ZNF660: variants seen among roughly 807,000 people sequenced by gnomAD.
ZNF660 encodes the protein zinc finger protein 660.
Under a neutral mutation model 23.2 loss-of-function variants are expected in ZNF660, and 24 were observed. That is an observed-to-expected ratio of 1.04 (90% confidence interval 0.75 to 1.46). The LOEUF (loss-of-function observed/expected upper bound fraction) is 1.46, where lower values mean the gene tolerates loss of function less well. ZNF660 is among the 40% of genes most tolerant of loss of function. The pLI is 0.00. For synonymous variants in ZNF660, 117 were observed against 131.4 expected (o/e 0.89, Z 0.75); for missense variants, 373 against 396.8 (o/e 0.94, Z 0.51).
At chr3:44,585,764 G>A (rs1402022870) in intron 1 of ZNF660, among the ~76,000 whole-genome samples, 1 of 152,160 alleles carries the variant, frequency 6.6e-6, no homozygotes, top group Non-Finnish European at 1.5e-5. Flanking sequence ...GTGGAAAGCT[G>A]GATTGCAAGG....
In ZNF660 at chr3:44,594,426, A is replaced by T. The variant is rs777160580; in HGVS notation, c.233A>T (p.Tyr78Phe). The T allele has an allele frequency of 3.1e-6, 5 of 1,614,054 alleles. No individual in the cohort carries two copies. Among genetic ancestry groups the T allele is most frequent in the Non-Finnish European group, 4.2e-6 (5 of 1,180,002 alleles). Residue 78 changes from tyrosine to phenylalanine, a missense_variant, in exon 3 of 3, where the codon TAT becomes TTT. Transcript: ENST00000322734. Reference protein sequence around the residue: ...HERIHTGEKPYKCKECGKAFS... With the variant: ...HERIHTGEKPFKCKECGKAFS... ...CGAATCCACACGGGAGAGAAACCCT[A>T]TAAGTGTAAGGAGTGTGGAAAAGCT...
chr3:44,591,270 AG>A (rs910418113), intron 2 of ZNF660, among the ~76,000 whole-genome samples: 3 of 152,192 alleles, frequency 2.0e-5, no homozygotes, highest in African/African-American at 4.8e-5. Context: ...TTGGGACTAC[AG>A]GTGCACACCA....
chr3:44,594,703 C>T lies in ZNF660; in HGVS notation c.510C>T (p.Ala170=). The T allele has an allele frequency of 6.2e-7, 1 of 1,614,050 alleles. No individual in the cohort carries two copies. The highest frequency in any genetic ancestry group is 8.5e-7 in the Non-Finnish European group (1 of 1,180,018). The change falls in exon 3 of 3, where the codon GCC becomes GCT. Residue 170 remains alanine (A), a synonymous_variant. Transcript: ENST00000322734. ...KPYSCIECGK[A]FSRSSNLTQH... ...ATTCTTGTATTGAGTGTGGGAAAGCCTTTAGCCGTAGTTCAAACCTTACTC... is the reference window on the plus strand; with the variant it reads ...ATTCTTGTATTGAGTGTGGGAAAGCTTTTAGCCGTAGTTCAAACCTTACTC...
chr3:44,585,877 G>A (rs1700213676), intron 1 of ZNF660, among the ~76,000 whole-genome samples: 2 of 152,158 alleles, frequency 1.3e-5, no homozygotes, highest in African/African-American at 4.8e-5. Flanking sequence ...GATGGAATTA[G>A]GATTTCCTGA....
chr3:44,588,993 C>T (rs1450214180), intron 2 of ZNF660, among the ~76,000 whole-genome samples: 4 of 152,116 alleles, frequency 2.6e-5, no homozygotes, highest in African/African-American at 4.8e-5. Context: ...TGGATGTGTG[C>T]GTTATACATC....
At position 44,595,284 on chromosome 3, in the gene ZNF660, T is replaced by C. The variant is rs1323656428; in HGVS notation, c.*95T>C. 1 of 1,340,912 alleles carries C rather than the reference T, an allele frequency of 7.5e-7. No homozygotes were observed. The highest frequency in any genetic ancestry group is 1.0e-6 in the Non-Finnish European group (1 of 995,348). 83.1% of individuals were successfully genotyped at this position (1,340,912 alleles called of 1,614,324 possible). A position where few individuals can be genotyped will look rare whatever the true frequency, so the allele number is the denominator to read the frequency against. On this transcript the variant is annotated 3_prime_UTR_variant, in exon 3 of 3. Coordinates refer to ENST00000322734, the MANE Select transcript of ZNF660 (RefSeq NM_173658.4). ...AATTCTACTTCTAAGAATCATACTC[T>C]ACTTCTAAGAAAATAATTAGAAGTA...
chr3:44,590,949 C>T (rs1165318771), intron 2 of ZNF660, among the ~76,000 whole-genome samples: 1 of 152,170 alleles, frequency 6.6e-6, no homozygotes, highest in East Asian at 1.9e-4. Context: ...CCCTTCTTAT[C>T]TTGGGCATGA....
intron 2 of ZNF660, among the ~76,000 whole-genome samples, chr3:44,591,842 C>CA (rs1226573321): frequency 3.9e-5 from 6 of 152,064 alleles, no homozygotes; most frequent in African/African-American, 7.2e-5. Flanking sequence ...TTAAAAAATA[C>CA]AAAAACTAGC....
chr3:44,593,705 AAAAG>A (rs1273756215), intron 2 of ZNF660, among the ~76,000 whole-genome samples: 1 of 151,818 alleles, frequency 6.6e-6, no homozygotes, highest in African/African-American at 2.4e-5. Context: ...AAAAAAAAAA[AAAAG>A]CAACGAGTTA....
chr3:44,595,302 TAGA>T lies in ZNF660; in HGVS notation c.*116_*118del. ...CATACTCTACTTCTAAGAAAATAAT[TAGA>T]AGTAGACAAAGATTAATGAAAGGGA... On this transcript the variant is annotated 3_prime_UTR_variant, in exon 3 of 3. Coordinates refer to ENST00000322734, the MANE Select transcript of ZNF660 (RefSeq NM_173658.4). 8.1e-7 allele frequency: 1 copy of T among 1,230,190 alleles called. No homozygotes were observed. Among genetic ancestry groups the T allele is most frequent in the Middle Eastern group, 2.1e-4 (1 of 4,752 alleles). The allele number at this position is 1,230,190 out of a possible 1,614,324, so 76.2% of individuals were successfully genotyped here. A position where few individuals can be genotyped will look rare whatever the true frequency, so the allele number is the denominator to read the frequency against.
chr3:44,592,280 CT>C (rs770157142), intron 2 of ZNF660, among the ~76,000 whole-genome samples: 2 of 152,136 alleles, frequency 1.3e-5, no homozygotes, highest in Admixed American at 6.5e-5. Flanking sequence ...AATATATATA[CT>C]TTTTTATCAA....
At chr3:44,589,611 T>A (rs1700346920) in intron 2 of ZNF660, among the ~76,000 whole-genome samples, 1 of 151,980 alleles carries the variant, frequency 6.6e-6, no homozygotes, top group South Asian at 2.1e-4. Context: ...AGAAGGAAAA[T>A]AACAAGAGTG....
chr3:44,593,267 C>G (rs1700492581), intron 2 of ZNF660, among the ~76,000 whole-genome samples: 1 of 152,140 alleles, frequency 6.6e-6, no homozygotes, highest in African/African-American at 2.4e-5. Context: ...TTCTATAATA[C>G]CATTTTGAGC....
At chr3:44,590,047 A>G (rs1700363543) in intron 2 of ZNF660, among the ~76,000 whole-genome samples, 1 of 140,440 alleles carries the variant, frequency 7.1e-6, no homozygotes. Context: ...GCTTTTCTCC[A>G]TCATTCCATG....
In ZNF660 at chr3:44,597,328, G is replaced by C. The variant is rs114774752; in HGVS notation, c.*2139G>C. 6 of 152,146 alleles carry C rather than the reference G, an allele frequency of 3.9e-5. No individual in the cohort carries two copies. Among genetic ancestry groups the C allele is most frequent in the African/African-American group, 1.4e-4 (6 of 41,434 alleles). 9.4% of individuals were successfully genotyped at this position (152,146 alleles called of 1,614,324 possible). A position where few individuals can be genotyped will look rare whatever the true frequency, so the allele number is the denominator to read the frequency against. On this transcript the variant is annotated 3_prime_UTR_variant, in exon 3 of 3. Transcript: ENST00000322734. The surrounding 1 kb of genome is among the most constrained non-coding windows in gnomAD (Gnocchi z 4.1). ...TGATATTTGACCATGGTTTTATAGG[G>C]AAGATGTTATCAGTGTTCTGTGAAT...
In ZNF660 at chr3:44,594,755, A is replaced by T. The variant is rs747262714; in HGVS notation, c.562A>T (p.Lys188Ter). ...TQHQRMHRGK[K>*]VYKCKECGKT... ...ACATCAGCGAATGCACAGAGGAAAA[A>T]AAGTTTACAAATGTAAGGAGTGTGG... Residue 188 changes from lysine to a stop codon, truncating the protein, a stop_gained, in exon 3 of 3, where the codon AAA (lysine) becomes TAA (stop). Transcript: ENST00000322734. LOFTEE classifies it high-confidence loss of function. The T allele has an allele frequency of 6.2e-7, 1 of 1,614,034 alleles. No homozygotes were observed. The highest frequency in any genetic ancestry group is 1.1e-5 in the South Asian group (1 of 91,084).
chr3:44,593,882 T>C (rs1041543381), intron 2 of ZNF660, 132 bp from the exon 3 acceptor site: 8 of 424,934 alleles, frequency 1.9e-5, no homozygotes, highest in Admixed American at 6.5e-5. Flanking sequence ...ATTTTTGTCA[T>C]CTTTTTGATC....
chr3:44,594,660 A>G lies in ZNF660; in HGVS notation c.467A>G (p.His156Arg). ...GGCCTTATATCACATCACAGAGTTC[A>G]CACCGGAGAGAAGCCCTATTCTTGT... ...SSGLISHHRV[H>R]TGEKPYSCIE... Residue 156 changes from histidine (H) to arginine (R), a missense_variant, in exon 3 of 3, where the codon CAC becomes CGC. Coordinates refer to ENST00000322734, the MANE Select transcript of ZNF660 (RefSeq NM_173658.4). The G allele has an allele frequency of 6.2e-7, 1 of 1,614,132 alleles. No homozygotes were observed. The highest frequency in any genetic ancestry group is 2.2e-5 in the East Asian group (1 of 44,884).
chr3:44,594,319 A>T lies in ZNF660; in HGVS notation c.126A>T (p.Arg42Ser). Residue 42 changes from arginine to serine, a missense_variant, in exon 3 of 3, where the codon AGA becomes AGT. By Grantham distance (110) the Arg-to-Ser change is moderately radical. Coordinates refer to ENST00000322734, the MANE Select transcript of ZNF660 (RefSeq NM_173658.4). ...GCTGTGACCCTGCAACAAATGAGAG[A>T]GTTCAGGCTGAAAAGAGACAGTATG... is the stretch of plus-strand genomic sequence containing the variant. Reference protein sequence around the residue: ...SQCCDPATNERVQAEKRQYVC... With the variant: ...SQCCDPATNESVQAEKRQYVC... 1 of 1,614,222 alleles carries T rather than the reference A, an allele frequency of 6.2e-7. No individual in the cohort carries two copies. The highest frequency in any genetic ancestry group is 1.1e-5 in the South Asian group (1 of 91,092).
Sources: allele counts gnomAD v4.1 joint callset (sites outside exome capture counted in the v4.1 genomes callset), GRCh38; gene constraint gnomAD v4.1.1; non-coding constraint Gnocchi (gnomAD v3.1); transcripts MANE v1.5; gene names NCBI Gene and HGNC (gene_info 2026-07-23, HGNC 2026-07-21).